Variants in UCP3 observed in about 807,000 individuals in gnomAD.
UCP3 encodes putative mitochondrial transporter UCP3.
Under a neutral mutation model 28.1 loss-of-function variants are expected in UCP3, and 24 were observed. The observed-to-expected ratio is 0.85, with a 90% confidence interval of 0.62 to 1.20. UCP3 has a LOEUF of 1.20. UCP3 is among the 50% of genes most tolerant of loss of function. The pLI is 0.00. For synonymous variants in UCP3, 184 were observed against 171.2 expected, an observed-to-expected ratio of 1.07 and a Z score of -0.59; for missense variants, 397 against 422.2, an observed-to-expected ratio of 0.94 and a Z score of 0.52.
At position 74,006,233 on chromosome 11, in the gene UCP3, G is replaced by T; in HGVS notation, c.273C>A (p.Phe91Leu). Residue 91 changes from phenylalanine to leucine, a missense_variant, in exon 3 of 7, where the codon TTC (phenylalanine) becomes TTA (leucine). By Grantham distance (22) the Phe-to-Leu change is conservative. Transcript: ENST00000314032. ...LVAGLQRQMSFASIRIGLYDS... is the reference protein window; with the variant it reads ...LVAGLQRQMSLASIRIGLYDS... ...CATAGAGGCCGATGCGGATGGAGGC[G>T]AAGCTCATCTGGCGCTGCAGGCCGG... 6.2e-7 allele frequency: 1 copy of T among 1,614,118 alleles called. No individual in the cohort carries two copies. Among genetic ancestry groups the T allele is most frequent in the Non-Finnish European group, 8.5e-7 (1 of 1,180,044 alleles).
chr11:74,008,406 T>A (rs1203124373), intron 1 of UCP3, among the ~76,000 whole-genome samples: 1 of 152,110 alleles, frequency 6.6e-6, no homozygotes, highest in Non-Finnish European at 1.5e-5. Flanking sequence ...GGACCCCATT[T>A]TGAGACATCC....
chr11:74,003,904 A>C lies in UCP3; in HGVS notation c.747T>G (p.Pro249=), dbSNP rs150518474. The change falls in exon 6 of 7, where the codon CCT becomes CCG. Residue 249 remains proline (P), a synonymous_variant. Transcript: ENST00000314032. ...DVVKTRYMNS[P]PGQYFSPLDC... ...CGAGGGGGCTGAAGTACTGGCCTGG[A>C]GGTGAGTTCATATACCGGGTCTTCA... The C allele has an allele frequency of 3.5e-5, 56 of 1,614,006 alleles. No homozygotes were observed. Among genetic ancestry groups the C allele is most frequent in the Non-Finnish European group, 4.3e-5 (51 of 1,180,034 alleles).
chr11:74,006,462 C>G (rs181909478), intron 2 of UCP3, 83 bp from the exon 3 acceptor site: 2 of 1,377,604 alleles, frequency 1.5e-6, no homozygotes, highest in East Asian at 5.0e-5. Context: ...TGGGGCTGGG[C>G]CTGCCTGGGC....
intron 1 of UCP3, among the ~76,000 whole-genome samples, chr11:74,008,482 C>T (rs1951682792): frequency 6.6e-6 from 1 of 152,190 alleles, no homozygotes; most frequent in African/African-American, 2.4e-5. Context: ...CAGCAGCCCA[C>T]TGAAGAAGCC....
In UCP3 at chr11:74,003,925, C is replaced by G; in HGVS notation, c.726G>C (p.Lys242Asn). 1 of 1,614,132 alleles carries G rather than the reference C, an allele frequency of 6.2e-7. No homozygotes were observed. The highest frequency in any genetic ancestry group is 1.1e-5 in the South Asian group (1 of 91,080). The change falls in exon 6 of 7, where the codon AAG becomes AAC. Residue 242 changes from lysine to asparagine, a missense_variant. Transcript: ENST00000314032. Reference sequence around the variant, plus strand: ...CTGGAGGTGAGTTCATATACCGGGTCTTCACCACGTCCACCGGGGAGGCCA... The same window carrying G: ...CTGGAGGTGAGTTCATATACCGGGTGTTCACCACGTCCACCGGGGAGGCCA... ...TVVASPVDVV[K>N]TRYMNSPPGQ...
Position 74,006,266 on chromosome 11 carries a change from C to T in UCP3, c.240G>A (p.Gly80=). 1 of 1,613,806 alleles carries T rather than the reference C, an allele frequency of 6.2e-7. No homozygotes were observed. Among genetic ancestry groups the T allele is most frequent in the Non-Finnish European group, 8.5e-7 (1 of 1,180,008 alleles). ...RTEGPCSPYN[G]LVAGLQRQMS... ...TCTGGCGCTGCAGGCCGGCCACCAG[C>T]CCATTGTAGGGGCTGCAGGGACCCT... is the stretch of plus-strand genomic sequence containing the variant. Residue 80 remains glycine (G), a synonymous_variant, in exon 3 of 7, where the codon GGG becomes GGA. Coordinates refer to ENST00000314032, the MANE Select transcript of UCP3 (RefSeq NM_003356.4).
rs571784300 is a variant in UCP3, at chr11:74,006,054, G to A, written c.337+115C>T. 6.8e-5 allele frequency: 106 copies of A among 1,557,532 alleles called. No individual in the cohort carries two copies. In the East Asian group the frequency reaches 9.8e-4, roughly 14 times the overall value. On this transcript the variant is annotated intron_variant, in intron 3 of 6. Transcript: ENST00000314032. ...GTCCACTCAGAGCCTCCTCATAAGCGTCCGGTACCAGCTTCCCCCCGCCCC... is the reference window on the plus strand; with the variant it reads ...GTCCACTCAGAGCCTCCTCATAAGCATCCGGTACCAGCTTCCCCCCGCCCC...
chr11:74,005,593 A>G (rs1951657597), intron 4 of UCP3, 137 bp downstream of exon 4: 4 of 1,012,410 alleles, frequency 4.0e-6, no homozygotes, highest in Non-Finnish European at 6.0e-6. Flanking sequence ...TCAGTGAAGT[A>G]TCTTTGGTTG....
At chr11:74,008,548 C>A (rs749182280) in intron 1 of UCP3, among the ~76,000 whole-genome samples, 4 of 152,158 alleles carry the variant, frequency 2.6e-5, no homozygotes, top group Non-Finnish European at 4.4e-5. Flanking sequence ...CTGGACCACG[C>A]CTCAGGTCAG....
intron 5 of UCP3, among the ~76,000 whole-genome samples, 191 bp from the exon 6 acceptor site, chr11:74,004,198 G>A (rs748034672): frequency 6.6e-6 from 1 of 152,204 alleles, no homozygotes; most frequent in Non-Finnish European, 1.5e-5. Context: ...AGAGGTGGGA[G>A]GTCATGCAGG....
rs759937307 is a variant in UCP3, at chr11:74,006,220, T to C, written c.286A>G (p.Ile96Val). 1.5e-5 allele frequency: 25 copies of C among 1,614,042 alleles called. No homozygotes were observed. Among genetic ancestry groups the C allele is most frequent in the Non-Finnish European group, 1.9e-5 (23 of 1,180,044 alleles). Residue 96 changes from isoleucine to valine, a missense_variant, in exon 3 of 7, where the codon ATC (isoleucine) becomes GTC (valine). Coordinates refer to ENST00000314032, the MANE Select transcript of UCP3 (RefSeq NM_003356.4). ...QRQMSFASIRIGLYDSVKQVY... is the reference protein window; with the variant it reads ...QRQMSFASIRVGLYDSVKQVY... ...TGCTTGACGGAGTCATAGAGGCCGA[T>C]GCGGATGGAGGCGAAGCTCATCTGG...
intron 1 of UCP3, among the ~76,000 whole-genome samples, chr11:74,007,705 C>A (rs540216698): frequency 3.2e-4 from 49 of 152,276 alleles, no homozygotes; most frequent in Non-Finnish European, 5.9e-4. Context: ...CTTAGCCACT[C>A]ATGGAAAATG....
At position 74,000,428 on chromosome 11, in the gene UCP3, G is replaced by T. The variant is rs1951613303; in HGVS notation, c.*984C>A. ...ACAATCCTTTGAGGTACTCATGATT[G>T]AGCACGTGGTGGGGGGGGTGGGGAA... On this transcript the variant is annotated 3_prime_UTR_variant, in exon 7 of 7. Coordinates refer to ENST00000314032, the MANE Select transcript of UCP3 (RefSeq NM_003356.4). 7.4e-6 allele frequency: 1 copy of T among 134,284 alleles called. No homozygotes were observed. The highest frequency in any genetic ancestry group is 1.7e-5 in the Non-Finnish European group (1 of 58,568). The allele number at this position is 134,284 out of a possible 1,614,324, so 8.3% of individuals were successfully genotyped here.
chr11:74,001,570 A>G, intron 6 of UCP3, 44 bp from the exon 7 acceptor site: 1 of 1,563,854 alleles, frequency 6.4e-7, no homozygotes, highest in Non-Finnish European at 8.8e-7. Flanking sequence ...GTGCTAGGGG[A>G]CCACAACAGA....
Position 74,005,831 on chromosome 11 carries a change from C to G in UCP3, c.440G>C (p.Ser147Thr), listed in dbSNP as rs779409940. Reference sequence around the variant, plus strand: ...GCTCCTGGATGGCCCGAGGTGTATGCTGGCCTGAAATCGGACCTTCACCAC... The same window carrying G: ...GCTCCTGGATGGCCCGAGGTGTATGGTGGCCTGAAATCGGACCTTCACCAC... ...TDVVKVRFQA[S>T]IHLGPSRSDR... is the part of the protein sequence containing the mutation. Residue 147 changes from serine (S) to threonine (T), a missense_variant, in exon 4 of 7, where the codon AGC becomes ACC. By Grantham distance (58) the Ser-to-Thr change is moderately conservative (BLOSUM62 1). Coordinates refer to ENST00000314032, the MANE Select transcript of UCP3 (RefSeq NM_003356.4). 3 of 1,614,204 alleles carry G rather than the reference C, an allele frequency of 1.9e-6. No homozygotes were observed. In the Admixed American group the frequency reaches 5.0e-5, roughly 27 times the overall value.
rs368703422 is a variant in UCP3 at position 74,006,345 on chromosome 11, C to T, written c.161G>A (p.Arg54Gln). 20 of 1,589,748 alleles carry T rather than the reference C, an allele frequency of 1.3e-5. No homozygotes were observed. The highest frequency in any genetic ancestry group is 5.4e-5 in the African/African-American group (4 of 74,758). Residue 54 changes from arginine (R) to glutamine (Q), a missense_variant, in exon 3 of 7, where the codon CGG (arginine) becomes CAG (glutamine). Arg to Gln is a conservative substitution (Grantham distance 43). Coordinates refer to ENST00000314032, the MANE Select transcript of UCP3 (RefSeq NM_003356.4). ...QGENQAVQTA[R>Q]LVQYRGVLGT... ...CAGCACGCCACGGTACTGCACGAGC[C>T]GGGCCGTCTGGACCGCCTGGTTCTC...
At position 74,000,502 on chromosome 11, in the gene UCP3, A is replaced by T. The variant is rs1342109026; in HGVS notation, c.*910T>A. 3 of 151,666 alleles carry T rather than the reference A, an allele frequency of 2.0e-5. No homozygotes were observed. The allele number at this position is 151,666 out of a possible 1,614,324, so 9.4% of individuals were successfully genotyped here. ...CTGTGGCTTCACGTCATCCACTGTC[A>T]CCTCTGGTCCCCAAGTCTCTGGATC... On this transcript the variant is annotated 3_prime_UTR_variant, in exon 7 of 7. Coordinates refer to ENST00000314032, the MANE Select transcript of UCP3 (RefSeq NM_003356.4).
In UCP3 at chr11:74,001,017, C is replaced by T; in HGVS notation, c.*395G>A. ...GGCTGATCTCCCACTCCATTGTGGG[C>T]CCCTCCTGTCCCGTGCTTGCCATCC... On this transcript the variant is annotated 3_prime_UTR_variant, in exon 7 of 7. Transcript: ENST00000314032. 2 of 249,310 alleles carry T rather than the reference C, an allele frequency of 8.0e-6. No individual in the cohort carries two copies. Among genetic ancestry groups the T allele is most frequent in the Non-Finnish European group, 7.8e-6 (1 of 128,470 alleles). The allele number at this position is 249,310 out of a possible 1,614,324, so 15.4% of individuals were successfully genotyped here. A position where few individuals can be genotyped will look rare whatever the true frequency, so the allele number is the denominator to read the frequency against.
intron 6 of UCP3, chr11:74,001,808 A>G: frequency 2.4e-6 from 1 of 409,366 alleles, no homozygotes; most frequent in Non-Finnish European, 4.5e-6. Flanking sequence ...TGTTGCTGCC[A>G]GGCTCTTTTT....
Sources: allele counts gnomAD v4.1 joint callset (sites outside exome capture counted in the v4.1 genomes callset), GRCh38; gene constraint gnomAD v4.1.1; transcripts MANE v1.5; gene names NCBI Gene and HGNC (gene_info 2026-07-23, HGNC 2026-07-21).